SGCD: variants seen among roughly 807,000 people sequenced by gnomAD.
SGCD encodes sarcoglycan delta, also known as delta-sarcoglycan.
A neutral mutation model predicts 36.6 loss-of-function variants in SGCD; 18 were observed. That is an observed-to-expected ratio of 0.49 (90% CI 0.34 to 0.73). SGCD has a LOEUF of 0.73. Among genes scored for constraint, SGCD ranks in the 30% least tolerant of loss-of-function variants. SGCD has a pLI of 0.01. For missense variants in SGCD, 387 were observed against 346.7 expected (o/e 1.12, Z -0.92); for synonymous variants, 133 against 130.6 (o/e 1.02, Z -0.12).
At chr5:155,748,293 T>A in the SGCD span, among the ~76,000 whole-genome samples, 1 of 152,010 alleles carries the variant, frequency 6.6e-6, no homozygotes, top group Non-Finnish European at 1.5e-5. Flanking sequence ...TGATTGACTC[T>A]CTCTCTTTCC....
At chr5:156,471,963 C>A (rs1479724975) in intron 3 of SGCD, among the ~76,000 whole-genome samples, 1 of 149,708 alleles carries the variant, frequency 6.7e-6, no homozygotes, top group Non-Finnish European at 1.5e-5. Flanking sequence ...GACTTAAACA[C>A]TGCACAAAAG....
intron 3 of SGCD, among the ~76,000 whole-genome samples, chr5:156,441,669 T>C (rs1753496075): frequency 1.3e-5 from 2 of 152,190 alleles, no homozygotes; most frequent in Non-Finnish European, 2.9e-5. Context: ...AGCTTAGTTA[T>C]ATCTTTCTCC....
the SGCD span, among the ~76,000 whole-genome samples, chr5:155,762,185 C>T: frequency 1.3e-5 from 2 of 152,126 alleles, no homozygotes; most frequent in Admixed American, 1.3e-4. Flanking sequence ...CACCCTTTCC[C>T]AGGCTTGTTG....
chr5:156,617,881 A>C (rs1286443931), intron 6 of SGCD, among the ~76,000 whole-genome samples: 2 of 152,136 alleles, frequency 1.3e-5, no homozygotes, highest in African/African-American at 4.8e-5. Context: ...GCCTTTTACC[A>C]TGACAAGGTG....
intron 7 of SGCD, among the ~76,000 whole-genome samples, chr5:156,713,483 C>T (rs1171545311): frequency 1.3e-5 from 2 of 152,054 alleles, no homozygotes; most frequent in African/African-American, 4.8e-5. Flanking sequence ...CAGATGAAAC[C>T]TCTCAGGTAG....
chr5:156,487,900 A>G (rs1320723609), intron 3 of SGCD, among the ~76,000 whole-genome samples: 1 of 147,016 alleles, frequency 6.8e-6, no homozygotes. Flanking sequence ...GACATGAAAG[A>G]AAAAAAAATA....
At chr5:156,508,002 G>A (rs996702464) in intron 3 of SGCD, among the ~76,000 whole-genome samples, 5 of 152,246 alleles carry the variant, frequency 3.3e-5, no homozygotes. Context: ...AGTGTAGGTG[G>A]CAGTAATAGA....
At chr5:156,527,848 C>T (rs1183238561) in intron 4 of SGCD, among the ~76,000 whole-genome samples, 3 of 152,302 alleles carry the variant, frequency 2.0e-5, no homozygotes, top group East Asian at 1.9e-4. Flanking sequence ...GCTGGGATTC[C>T]ACAGACCACA....
intron 4 of SGCD, among the ~76,000 whole-genome samples, chr5:156,512,677 G>A (rs1367467764): frequency 6.6e-6 from 1 of 152,116 alleles, no homozygotes; most frequent in African/African-American, 2.4e-5. Context: ...TCTAAAATAT[G>A]TCTGTTCACA....
chr5:155,884,172 T>C (rs1362985719), intron 1 of SGCD, among the ~76,000 whole-genome samples: 2 of 152,184 alleles, frequency 1.3e-5, no homozygotes, highest in Non-Finnish European at 2.9e-5. Context: ...GATGAATCCT[T>C]TACCGAGGTG....
chr5:156,056,654 A>AAAAAAAAAAACAAAAC (rs1760069430), intron 1 of SGCD, among the ~76,000 whole-genome samples: 1 of 137,832 alleles, frequency 7.3e-6, no homozygotes, highest in African/African-American at 2.8e-5. Flanking sequence ...TTAAAAAAAA[A>AAAAAAAAAAACAAAAC]AAAAAAAAAA....
chr5:155,802,806 A>G, the SGCD span, among the ~76,000 whole-genome samples: 1 of 152,170 alleles, frequency 6.6e-6, no homozygotes, highest in African/African-American at 2.4e-5. Context: ...GTTGGAGAAG[A>G]GATGGGAAAA....
chr5:155,729,484 C>T, the SGCD span, among the ~76,000 whole-genome samples: 1 of 152,244 alleles, frequency 6.6e-6, no homozygotes, highest in Non-Finnish European at 1.5e-5. Context: ...GGAAAGGTAG[C>T]CCGAGTAGGA....
chr5:156,245,652 A>G (rs1765421102), intron 3 of SGCD, among the ~76,000 whole-genome samples: 1 of 152,202 alleles, frequency 6.6e-6, no homozygotes, highest in South Asian at 2.1e-4. Flanking sequence ...CCTCTAGTCT[A>G]AATATCATGT....
At chr5:155,847,293 C>T in the SGCD span, among the ~76,000 whole-genome samples, 2 of 152,158 alleles carry the variant, frequency 1.3e-5, no homozygotes. Flanking sequence ...GTAATTTCCC[C>T]AACATCACAT....
chr5:156,735,661 C>T (rs80158998), intron 7 of SGCD, among the ~76,000 whole-genome samples: 1,761 of 152,298 alleles, frequency 0.012, 12 homozygotes, highest in Non-Finnish European at 0.018. Context: ...AACACTGCTA[C>T]TGGTGGCTGG....
At chr5:156,079,893 C>G (rs1332183860) in intron 1 of SGCD, among the ~76,000 whole-genome samples, 1 of 152,208 alleles carries the variant, frequency 6.6e-6, no homozygotes, top group Non-Finnish European at 1.5e-5. Context: ...TCCCACAGCT[C>G]CACTACACAG....
At chr5:155,826,997 T>A in the SGCD span, among the ~76,000 whole-genome samples, 1 of 152,222 alleles carries the variant, frequency 6.6e-6, no homozygotes, top group Non-Finnish European at 1.5e-5. Context: ...GAATTTCTGT[T>A]CAGTGAGAAG....
intron 3 of SGCD, among the ~76,000 whole-genome samples, chr5:156,274,156 T>G (rs766107547): frequency 3.9e-5 from 6 of 152,016 alleles, no homozygotes; most frequent in Non-Finnish European, 8.8e-5. Flanking sequence ...CAGGGCAAGG[T>G]GAGAGAGTGA....
Sources: gnomAD v4.1 joint callset for allele counts (sites outside exome capture counted in the v4.1 genomes callset) on GRCh38, gnomAD v4.1.1 for gene constraint, MANE v1.5 for transcripts, NCBI Gene and HGNC (gene_info 2026-07-23, HGNC 2026-07-21) for gene names.